Variants in SYN2 observed in about 807,000 individuals in gnomAD.
SYN2 encodes synapsin-2.
In SYN2, 19 loss-of-function variants were observed where a neutral mutation model predicts 50.9. The observed-to-expected ratio is 0.37, with a 90% CI of 0.26 to 0.55. The LOEUF is 0.55. Ranked by LOEUF, SYN2 falls within the 20% of genes least tolerant of loss-of-function variation. The probability of loss-of-function intolerance (pLI) is 0.81; values close to 1 mark genes in which losing one functional copy is unlikely to be tolerated. For synonymous variants in SYN2, 255 were observed against 224.9 expected (o/e 1.13, Z -1.20); for missense variants, 587 against 576.4 (o/e 1.02, Z -0.19).
At chr3:12,095,417 G>A (rs550003926) in intron 1 of SYN2, among the ~76,000 whole-genome samples, 50 of 87,850 alleles carry the variant, frequency 5.7e-4, no homozygotes, top group African/African-American at 2.1e-3. Flanking sequence ...GCATGGTGGC[G>A]GGCACCTGTA....
intron 1 of SYN2, among the ~76,000 whole-genome samples, chr3:12,048,690 C>G (rs1574909115): frequency 6.6e-6 from 1 of 152,136 alleles, no homozygotes; most frequent in East Asian, 1.9e-4. Flanking sequence ...AATATAGTAT[C>G]TCATTTCATC....
At chr3:12,019,347 C>G (rs1694083653) in intron 1 of SYN2, among the ~76,000 whole-genome samples, 1 of 152,196 alleles carries the variant, frequency 6.6e-6, no homozygotes, top group Admixed American at 6.5e-5. Context: ...GTTAGCTCAA[C>G]TATGAGTTGC....
At chr3:12,144,906 C>T (rs756906643) in intron 3 of SYN2, among the ~76,000 whole-genome samples, 4 of 152,110 alleles carry the variant, frequency 2.6e-5, no homozygotes, top group Non-Finnish European at 5.9e-5. Context: ...TGGTGTGTGC[C>T]TGTAATTCCA....
intron 5 of SYN2, chr3:12,154,603 A>G (rs1049210238): frequency 4.6e-5 from 35 of 763,780 alleles, no homozygotes; most frequent in Admixed American, 3.5e-4. Flanking sequence ...AATAAATAAA[A>G]CTACTATAAT....
chr3:12,013,992 A>T (rs1693969659), intron 1 of SYN2, among the ~76,000 whole-genome samples: 1 of 151,764 alleles, frequency 6.6e-6, no homozygotes, highest in Non-Finnish European at 1.5e-5. Context: ...ATTCATATTC[A>T]TCTTTTGAGA....
chr3:12,142,633 A>G (rs1018956986), intron 3 of SYN2, among the ~76,000 whole-genome samples: 1 of 152,218 alleles, frequency 6.6e-6, no homozygotes, highest in African/African-American at 2.4e-5. Context: ...TGATGTTGTC[A>G]TACTCACAGA....
intron 10 of SYN2, among the ~76,000 whole-genome samples, chr3:12,173,921 C>G (rs1490337725): frequency 1.3e-5 from 2 of 152,084 alleles, no homozygotes; most frequent in African/African-American, 2.4e-5. Context: ...AAGAAAAAGT[C>G]ATCTCCATGT....
intron 1 of SYN2, among the ~76,000 whole-genome samples, chr3:12,049,628 A>G (rs1420840983): frequency 6.6e-6 from 1 of 152,224 alleles, no homozygotes; most frequent in East Asian, 1.9e-4. Flanking sequence ...GAAATGATAC[A>G]GTAAGTTCCT....
In SYN2 at chr3:12,071,074, A is replaced by G. The variant is rs1184021891; in HGVS notation, c.377+66146A>G. 2.1e-5 allele frequency: 12 copies of G among 561,530 alleles called. No individual in the cohort carries two copies. In the East Asian group the frequency reaches 2.9e-4, roughly 13 times the overall value. 34.8% of individuals were successfully genotyped at this position (561,530 alleles called of 1,614,324 possible). A position where few individuals can be genotyped will look rare whatever the true frequency, so the allele number is the denominator to read the frequency against. ...TTGTGGCATCCATGAGACCACCTTCAACTCCATCATGAAGTGTGATGTGGA... is the reference window on the plus strand; with the variant it reads ...TTGTGGCATCCATGAGACCACCTTCGACTCCATCATGAAGTGTGATGTGGA... On this transcript the variant is annotated intron_variant, in intron 1 of 12. Transcript: ENST00000621198.
chr3:12,071,883 G>A (rs1695361381), intron 1 of SYN2, among the ~76,000 whole-genome samples: 1 of 152,146 alleles, frequency 6.6e-6, no homozygotes, highest in South Asian at 2.1e-4. Flanking sequence ...AGAACACCGA[G>A]GGCTGTTAAC....
At chr3:12,095,184 C>A (rs1198958086) in intron 1 of SYN2, among the ~76,000 whole-genome samples, 1 of 151,938 alleles carries the variant, frequency 6.6e-6, no homozygotes, top group East Asian at 2.0e-4. Flanking sequence ...CTTCCACTTA[C>A]TCTTCAGCTC....
intron 1 of SYN2, among the ~76,000 whole-genome samples, chr3:12,118,982 T>C (rs1696491993): frequency 6.6e-6 from 1 of 152,194 alleles, no homozygotes; most frequent in Non-Finnish European, 1.5e-5. Context: ...ATCTTAGAAA[T>C]TGGGCACGTG....
At chr3:12,097,608 C>CAAAA (rs35095165) in intron 1 of SYN2, among the ~76,000 whole-genome samples, 1 of 94,850 alleles carries the variant, frequency 1.1e-5, no homozygotes. Flanking sequence ...TCCATCTCAA[C>CAAAA]AAAAAAAAAA....
chr3:12,102,790 G>A (rs1428188903), intron 1 of SYN2, among the ~76,000 whole-genome samples: 1 of 152,036 alleles, frequency 6.6e-6, no homozygotes, highest in Non-Finnish European at 1.5e-5. Flanking sequence ...ATGGCTTTAT[G>A]CTTAGTTTTT....
chr3:12,027,337 C>A (rs1402676008), intron 1 of SYN2, among the ~76,000 whole-genome samples: 1 of 152,128 alleles, frequency 6.6e-6, no homozygotes, highest in Non-Finnish European at 1.5e-5. Context: ...AGCTTCGGAG[C>A]CTGATATAAT....
At chr3:12,039,554 T>A (rs1694568235) in intron 1 of SYN2, among the ~76,000 whole-genome samples, 1 of 41,718 alleles carries the variant, frequency 2.4e-5, no homozygotes, top group Admixed American at 2.9e-4. Context: ...CAAAGATTTT[T>A]TTTTTTTTTT....
intron 1 of SYN2, among the ~76,000 whole-genome samples, chr3:12,024,805 A>G (rs1694219751): frequency 6.6e-6 from 1 of 152,126 alleles, no homozygotes; most frequent in South Asian, 2.1e-4. Context: ...TGTACCCAGG[A>G]GTGGCATTTG....
intron 1 of SYN2, among the ~76,000 whole-genome samples, chr3:12,055,738 G>A (rs539538632): frequency 2.0e-5 from 3 of 152,188 alleles, no homozygotes; most frequent in Admixed American, 6.5e-5. Flanking sequence ...ATTATAAATG[G>A]TATTACTCTT....
chr3:12,022,123 A>G (rs146850044), intron 1 of SYN2, among the ~76,000 whole-genome samples: 293 of 151,906 alleles, frequency 1.9e-3, no homozygotes, highest in Non-Finnish European at 3.3e-3. Context: ...TCAGTACTAC[A>G]TACAGGACTG....
Sources: gnomAD v4.1 joint callset for allele counts (sites outside exome capture counted in the v4.1 genomes callset) on GRCh38, gnomAD v4.1.1 for gene constraint, MANE v1.5 for transcripts, NCBI Gene and HGNC (gene_info 2026-07-23, HGNC 2026-07-21) for gene names.